Variants in IL1RAPL1 observed in about 807,000 individuals in gnomAD.
IL1RAPL1 encodes interleukin 1 receptor accessory protein like 1.
Under a neutral mutation model 48.4 loss-of-function variants are expected in IL1RAPL1, and 3 were observed. That is an observed-to-expected ratio of 0.06 (90% CI 0.03 to 0.16). The LOEUF is 0.16. Ranked by LOEUF, IL1RAPL1 falls within the 10% of genes least tolerant of loss-of-function variation. IL1RAPL1 has a pLI of 1.00. For synonymous variants in IL1RAPL1, 185 were observed against 187.7 expected, an observed-to-expected ratio of 0.99 and a Z score of 0.12; for missense variants, 349 against 530.6, an observed-to-expected ratio of 0.66 and a Z score of 3.36.
At chrX:28,723,180 C>T (rs1199114195) in intron 1 of IL1RAPL1, among the ~76,000 whole-genome samples, 1 of 111,310 alleles carries the variant, frequency 9.0e-6, no homozygotes, top group African/African-American at 3.3e-5. Context: ...TCCATCTCCT[C>T]CTTGTACCTC....
At chrX:28,615,496 C>A (rs1178675453) in intron 1 of IL1RAPL1, among the ~76,000 whole-genome samples, 1 of 109,842 alleles carries the variant, frequency 9.1e-6, no homozygotes, top group Non-Finnish European at 1.9e-5. Flanking sequence ...AGTATAATGG[C>A]ATTTTTGAAA....
At chrX:29,678,524 T>TTGTGTG (rs111394018) in intron 6 of IL1RAPL1, among the ~76,000 whole-genome samples, 3 of 101,054 alleles carry the variant, frequency 3.0e-5, no homozygotes, top group Non-Finnish European at 6.0e-5. Context: ...CTGGCTAATT[T>TTGTGTG]TGTGTGTGTG....
At chrX:28,788,767 C>T (rs6630760) in intron 1 of IL1RAPL1, among the ~76,000 whole-genome samples, 5,466 of 110,100 alleles carry the variant, frequency 0.05, 276 homozygotes, top group East Asian at 0.3. Context: ...TGTGCCTGGC[C>T]AGAGTATACA....
chrX:28,614,542 C>T (rs1384747857), intron 1 of IL1RAPL1, among the ~76,000 whole-genome samples: 1 of 111,394 alleles, frequency 9.0e-6, no homozygotes, highest in Admixed American at 9.6e-5. Flanking sequence ...TGGTGATTTT[C>T]AGTGGCAGTC....
intron 2 of IL1RAPL1, among the ~76,000 whole-genome samples, chrX:28,812,009 A>G (rs1354769006): frequency 9.0e-6 from 1 of 110,881 alleles, no homozygotes; most frequent in African/African-American, 3.3e-5. Flanking sequence ...TATACATGAT[A>G]TAAAGAAAGG....
intron 5 of IL1RAPL1, among the ~76,000 whole-genome samples, chrX:29,467,104 A>G (rs1456600244): frequency 5.4e-5 from 6 of 111,780 alleles, no homozygotes; most frequent in Admixed American, 3.8e-4. Flanking sequence ...CAGCTCAAAC[A>G]TTACTAATAC....
intron 5 of IL1RAPL1, among the ~76,000 whole-genome samples, chrX:29,438,354 A>G (rs1261822564): frequency 1.8e-5 from 2 of 110,534 alleles, no homozygotes; most frequent in Admixed American, 1.9e-4. Flanking sequence ...AACTTTCTCT[A>G]TTGCTTTTCT....
At chrX:29,834,193 G>T (rs1930940513) in intron 6 of IL1RAPL1, among the ~76,000 whole-genome samples, 1 of 112,427 alleles carries the variant, frequency 8.9e-6, no homozygotes, top group South Asian at 3.7e-4. Context: ...ACTGCTAAGA[G>T]AGCTTGCCAT....
intron 5 of IL1RAPL1, among the ~76,000 whole-genome samples, chrX:29,405,512 G>A (rs1401083673): frequency 1.0e-5 from 1 of 98,324 alleles, no homozygotes; most frequent in South Asian, 4.3e-4. Flanking sequence ...GACTACAGGT[G>A]CCCGCCACTA....
intron 5 of IL1RAPL1, among the ~76,000 whole-genome samples, chrX:29,664,486 TG>T (rs1925945360): frequency 9.0e-6 from 1 of 111,103 alleles, no homozygotes; most frequent in Non-Finnish European, 1.9e-5. Context: ...AAACATTTTA[TG>T]GTAGGATAAG....
intron 1 of IL1RAPL1, among the ~76,000 whole-genome samples, chrX:28,662,258 T>A (rs949574646): frequency 9.0e-6 from 1 of 110,963 alleles, no homozygotes; most frequent in Non-Finnish European, 1.9e-5. Flanking sequence ...TCCCCATAGA[T>A]CACAGAGGGC....
chrX:28,689,275 TG>T (rs1050883635), intron 1 of IL1RAPL1, among the ~76,000 whole-genome samples: 3 of 111,082 alleles, frequency 2.7e-5, no homozygotes, highest in African/African-American at 9.8e-5. Context: ...AATTGAATCA[TG>T]GGGGTGGTTT....
chrX:29,667,956 C>A (rs759736227), intron 5 of IL1RAPL1, among the ~76,000 whole-genome samples: 6 of 110,649 alleles, frequency 5.4e-5, no homozygotes, highest in Non-Finnish European at 1.1e-4. Context: ...AACTAAATGG[C>A]AGATTTTGAA....
intron 5 of IL1RAPL1, among the ~76,000 whole-genome samples, chrX:29,464,232 C>G (rs1390122142): frequency 8.9e-6 from 1 of 111,932 alleles, no homozygotes; most frequent in Non-Finnish European, 1.9e-5. Flanking sequence ...CTTGTTCAGC[C>G]TATCTACCAT....
At chrX:29,065,080 C>T (rs1474276115) in intron 2 of IL1RAPL1, among the ~76,000 whole-genome samples, 2 of 110,584 alleles carry the variant, frequency 1.8e-5, no homozygotes, top group Non-Finnish European at 3.8e-5. Context: ...GTTATAGGTC[C>T]CAAAATAAAG....
At chrX:29,363,679 TATAATC>T (rs1414612281) in intron 3 of IL1RAPL1, among the ~76,000 whole-genome samples, 1 of 111,121 alleles carries the variant, frequency 9.0e-6, no homozygotes, top group Non-Finnish European at 1.9e-5. Context: ...TCAGGAAACT[TATAATC>T]ATGGCAGAAG....
intron 2 of IL1RAPL1, among the ~76,000 whole-genome samples, chrX:29,231,719 A>G (rs773865216): frequency 2.7e-5 from 3 of 111,841 alleles, no homozygotes; most frequent in Admixed American, 9.5e-5. Context: ...TGGAAACCCA[A>G]ACTACACATT....
chrX:28,875,807 A>G (rs1922356791), intron 2 of IL1RAPL1, among the ~76,000 whole-genome samples: 2 of 112,144 alleles, frequency 1.8e-5, no homozygotes, highest in Non-Finnish European at 3.8e-5. Context: ...TTGTAACCTT[A>G]CATGTTGCTT....
At chrX:29,092,585 T>C (rs949434458) in intron 2 of IL1RAPL1, among the ~76,000 whole-genome samples, 6 of 112,176 alleles carry the variant, frequency 5.3e-5, no homozygotes, top group Non-Finnish European at 1.1e-4. Flanking sequence ...CTATAAATAG[T>C]AAACAACCAT....
Sources: gnomAD v4.1 joint callset for allele counts (sites outside exome capture counted in the v4.1 genomes callset) on GRCh38, gnomAD v4.1.1 for gene constraint, MANE v1.5 for transcripts, NCBI Gene and HGNC (gene_info 2026-07-23, HGNC 2026-07-21) for gene names.